MC2R: variants seen among roughly 807,000 people sequenced by gnomAD.
MC2R encodes the protein melanocortin 2 receptor.
In MC2R, 9 loss-of-function variants were observed where a neutral mutation model predicts 9.8. The ratio of observed to expected loss-of-function variants is 0.92; its 90% CI spans 0.55 to 1.60. The LOEUF (loss-of-function observed/expected upper bound fraction) is 1.60. Ranked by LOEUF, MC2R falls within the 40% of genes most tolerant of loss-of-function variation. The probability of loss-of-function intolerance (pLI) is 0.00; values close to 1 mark genes in which losing one functional copy is unlikely to be tolerated. For synonymous variants in MC2R, 185 were observed against 154.7 expected, an observed-to-expected ratio of 1.20 and a Z score of -1.45; for missense variants, 370 against 389.0, an observed-to-expected ratio of 0.95 and a Z score of 0.41.
At chr18:13,911,701 T>C (rs2045445660) in intron 1 of MC2R, among the ~76,000 whole-genome samples, 2 of 152,136 alleles carry the variant, frequency 1.3e-5, no homozygotes, top group African/African-American at 2.4e-5. Context: ...GTCTCCATCC[T>C]AGGGTCTGGG....
At chr18:13,889,326 A>G (rs2045299175) in intron 1 of MC2R, among the ~76,000 whole-genome samples, 1 of 152,224 alleles carries the variant, frequency 6.6e-6, no homozygotes, top group African/African-American at 2.4e-5. Flanking sequence ...CCCAGGAGGC[A>G]GAGATGGGGT....
intron 1 of MC2R, among the ~76,000 whole-genome samples, chr18:13,891,853 T>C (rs915618815): frequency 6.6e-6 from 1 of 152,216 alleles, no homozygotes; most frequent in African/African-American, 2.4e-5. Flanking sequence ...ATTTTCTCTT[T>C]GTGCATGACC....
chr18:13,892,319 C>T (rs2045319827), intron 1 of MC2R, among the ~76,000 whole-genome samples: 1 of 149,854 alleles, frequency 6.7e-6, no homozygotes, highest in Admixed American at 6.6e-5. Context: ...GGCTTTGACT[C>T]AAACTTAGAA....
chr18:13,915,625 A>C (rs1253845660), upstream of MC2R: 1 of 152,518 alleles, frequency 6.6e-6, no homozygotes, highest in Non-Finnish European at 1.5e-5. Context: ...GATTGTTATC[A>C]TTACCTTGAA....
chr18:13,895,145 C>T (rs1329453519), intron 1 of MC2R, among the ~76,000 whole-genome samples: 2 of 152,132 alleles, frequency 1.3e-5, no homozygotes, highest in Non-Finnish European at 2.9e-5. Flanking sequence ...CTTGAACAAC[C>T]CAGGGTAATC....
chr18:13,894,289 G>A (rs902088601), intron 1 of MC2R, among the ~76,000 whole-genome samples: 2 of 152,028 alleles, frequency 1.3e-5, no homozygotes, highest in Non-Finnish European at 2.9e-5. Flanking sequence ...TGAGACAGGC[G>A]ATCTTTTGGG....
intron 1 of MC2R, among the ~76,000 whole-genome samples, chr18:13,901,634 G>T (rs530685104): frequency 1.3e-4 from 20 of 152,144 alleles, no homozygotes; most frequent in Non-Finnish European, 2.5e-4. Context: ...ACATCTAGAA[G>T]AAATTGACAA....
At chr18:13,912,771 T>A (rs1327828827) in intron 1 of MC2R, among the ~76,000 whole-genome samples, 1 of 152,342 alleles carries the variant, frequency 6.6e-6, no homozygotes, top group Admixed American at 6.5e-5. Context: ...TACAGAGTTA[T>A]AAGTTACGCT....
chr18:13,887,142 G>C (rs1273651359), intron 1 of MC2R, among the ~76,000 whole-genome samples: 1 of 151,636 alleles, frequency 6.6e-6, no homozygotes, highest in Admixed American at 6.6e-5. Flanking sequence ...CCTGTGTGCT[G>C]TGTCCCACCT....
rs773295858 is a variant in MC2R, at chr18:13,885,103, T to C, written c.416A>G (p.His139Arg). 15 of 1,614,128 alleles carry C rather than the reference T, an allele frequency of 9.3e-6. No homozygotes were observed. Among genetic ancestry groups the C allele is most frequent in the Non-Finnish European group, 1.3e-5 (15 of 1,180,020 alleles). The stretch of plus-strand genomic sequence containing the variant: ...AGTGCGGCGCATGGTCACGATGCTG[T>C]GGTACCGCAGTGCGTGGAAGATGGT... ...YITIFHALRY[H>R]SIVTMRRTVV... is the part of the protein sequence containing the mutation. The change falls in exon 2 of 2, where the codon CAC (histidine) becomes CGC (arginine). Residue 139 changes from histidine to arginine, a missense_variant. Coordinates refer to ENST00000327606, the MANE Select transcript of MC2R (RefSeq NM_000529.2).
At chr18:13,901,949 A>T (rs951839207) in intron 1 of MC2R, among the ~76,000 whole-genome samples, 1 of 152,238 alleles carries the variant, frequency 6.6e-6, no homozygotes, top group East Asian at 1.9e-4. Flanking sequence ...CTATAGGCCA[A>T]TATCTCTGAC....
At chr18:13,903,172 T>C (rs559672825) in intron 1 of MC2R, among the ~76,000 whole-genome samples, 1 of 152,324 alleles carries the variant, frequency 6.6e-6, no homozygotes, top group Admixed American at 6.5e-5. Flanking sequence ...AAATGGTTTA[T>C]ATCCAAAAGA....
chr18:13,902,474 G>T lies in MC2R; in HGVS notation c.-129+13014C>A, dbSNP rs114152449. Among the ~76,000 whole-genome samples, 1,232 of 152,160 alleles carry T rather than the reference G, an allele frequency of 8.1e-3. 13 individuals are homozygous for T. Among genetic ancestry groups the T allele is most frequent in the African/African-American group, 0.028 (1,179 of 41,530 alleles). On this transcript the variant is annotated intron_variant, in intron 1 of 1. Coordinates refer to ENST00000327606, the MANE Select transcript of MC2R (RefSeq NM_000529.2). ...AGCTGTAGTAACCAAAACAGGCATG[G>T]TACTGGTATAAAAACAGACACATAG... is the stretch of plus-strand genomic sequence containing the variant.
intron 1 of MC2R, among the ~76,000 whole-genome samples, chr18:13,899,496 C>T (rs1166845596): frequency 6.6e-6 from 1 of 151,922 alleles, no homozygotes. Flanking sequence ...AGAAAGATAC[C>T]AATATGGAAG....
At chr18:13,897,900 G>A (rs1448893402) in intron 1 of MC2R, among the ~76,000 whole-genome samples, 1 of 152,014 alleles carries the variant, frequency 6.6e-6, no homozygotes, top group African/African-American at 2.4e-5. Context: ...AAGGCCTTGG[G>A]TGAGCCTGAG....
rs187593465 is a variant in MC2R, at chr18:13,902,248, C to A, written c.-129+13240G>T. Among the ~76,000 whole-genome samples the A allele has an allele frequency of 5.9e-5, 9 of 152,030 alleles. No individual in the cohort carries two copies. The East Asian group carries it at 1.7e-3, about 29-fold the overall frequency. On this transcript the variant is annotated intron_variant, in intron 1 of 1. Coordinates refer to ENST00000327606, the MANE Select transcript of MC2R (RefSeq NM_000529.2). ...AAAACTGGGTAGAGAAGGAACATAC[C>A]TCAACATAATAAAAGCTATACACAA...
At chr18:13,889,183 G>A (rs2045298034) in intron 1 of MC2R, among the ~76,000 whole-genome samples, 1 of 152,184 alleles carries the variant, frequency 6.6e-6, no homozygotes, top group Admixed American at 6.5e-5. Context: ...CCACCTGGCA[G>A]AGTGATCTTT....
At chr18:13,904,163 A>G (rs1475391797) in intron 1 of MC2R, among the ~76,000 whole-genome samples, 2 of 151,736 alleles carry the variant, frequency 1.3e-5, no homozygotes, top group African/African-American at 2.4e-5. Flanking sequence ...TCACAAGGTC[A>G]GGAGATCAAG....
intron 1 of MC2R, among the ~76,000 whole-genome samples, chr18:13,886,414 G>A (rs1434230262): frequency 6.6e-6 from 1 of 152,180 alleles, no homozygotes; most frequent in Non-Finnish European, 1.5e-5. Flanking sequence ...AACAGCAGCG[G>A]TGCCCTTGAT....
Sources: gnomAD v4.1 joint callset for allele counts (sites outside exome capture counted in the v4.1 genomes callset) on GRCh38, gnomAD v4.1.1 for gene constraint, MANE v1.5 for transcripts, NCBI Gene and HGNC (gene_info 2026-07-23, HGNC 2026-07-21) for gene names.